Variants in TRPM6 observed in about 807,000 individuals in gnomAD.
The protein encoded by TRPM6 is channel kinase 2.
A neutral mutation model predicts 247.6 loss-of-function variants in TRPM6; 111 were observed. The observed-to-expected ratio is 0.45, with a 90% CI of 0.38 to 0.52. The LOEUF is 0.52. TRPM6 is among the 20% of genes least tolerant of loss of function. TRPM6 has a pLI of 0.00. For missense variants in TRPM6, 2,126 were observed against 2,421.5 expected (o/e 0.88, Z 2.56); for synonymous variants, 892 against 853.8 (o/e 1.04, Z -0.78).
rs1158006124 is a variant in TRPM6, at chr9:74,842,338, T to C, written c.158A>G (p.Tyr53Cys). Residue 53 changes from tyrosine to cysteine, a missense_variant, in exon 4 of 39, where the codon TAC (tyrosine) becomes TGC (cysteine). Tyr to Cys is a radical substitution (Grantham distance 194). Coordinates refer to ENST00000360774, the MANE Select transcript of TRPM6 (RefSeq NM_017662.5). ...ATGGTCTCCAATCAGTCGGCCACAG[T>C]AACACCTTAAATTCAAGACCAAAAA... ...CQVCQNLIRC[Y>C]CGRLIGDHAG... is the part of the protein sequence containing the mutation. The C allele has an allele frequency of 6.2e-7, 1 of 1,613,978 alleles. No homozygotes were observed. The highest frequency in any genetic ancestry group is 2.2e-5 in the East Asian group (1 of 44,898).
chr9:74,825,854 C>A (rs770425767), intron 7 of TRPM6, among the ~76,000 whole-genome samples: 1 of 152,074 alleles, frequency 6.6e-6, no homozygotes, highest in Admixed American at 6.6e-5. Context: ...CCTCTCTATA[C>A]GGATTCTTCT....
intron 1 of TRPM6, among the ~76,000 whole-genome samples, chr9:74,878,601 C>T (rs909566337): frequency 2.0e-5 from 3 of 152,120 alleles, no homozygotes; most frequent in East Asian, 1.9e-4. Flanking sequence ...ACCTAAACAC[C>T]GCCACATAAA....
chr9:74,769,585 C>T lies in TRPM6; in HGVS notation c.3536+2118G>A, dbSNP rs531085552. 2.8e-3 allele frequency among the ~76,000 whole-genome samples: 418 copies of T among 151,950 alleles called. 1 individual carries two copies. Among genetic ancestry groups the T allele is most frequent in the African/African-American group, 9.7e-3 (403 of 41,452 alleles). On this transcript the variant is annotated intron_variant, in intron 25 of 38. Transcript: ENST00000360774. ...CATCCTGGCTAACACGGTGAAACCCCGTCTCTACTAAAAATACAAAAAATT... is the reference window on the plus strand; with the variant it reads ...CATCCTGGCTAACACGGTGAAACCCTGTCTCTACTAAAAATACAAAAAATT...
chr9:74,885,997 T>G (rs541339268), intron 1 of TRPM6, among the ~76,000 whole-genome samples: 1 of 152,238 alleles, frequency 6.6e-6, no homozygotes, highest in Admixed American at 6.5e-5. Flanking sequence ...AAATGCTTGA[T>G]AGTTTTGGCA....
At chr9:74,879,725 C>A (rs1831301041) in intron 1 of TRPM6, among the ~76,000 whole-genome samples, 1 of 152,194 alleles carries the variant, frequency 6.6e-6, no homozygotes, top group East Asian at 1.9e-4. Context: ...GGTGATATGC[C>A]CAGGGAGGCA....
intron 1 of TRPM6, 117 bp downstream of exon 1, chr9:74,887,707 G>T: frequency 1.2e-6 from 2 of 1,611,540 alleles, no homozygotes; most frequent in Non-Finnish European, 8.5e-7. Context: ...AGCTATTCTA[G>T]ATCCTCGTTA....
chr9:74,847,957 C>T (rs1301206852), intron 3 of TRPM6, among the ~76,000 whole-genome samples: 4 of 152,182 alleles, frequency 2.6e-5, no homozygotes. Context: ...AACCTAATTG[C>T]TGTCAATCAG....
intron 5 of TRPM6, among the ~76,000 whole-genome samples, chr9:74,838,540 AG>A (rs1347586305): frequency 6.6e-6 from 1 of 152,256 alleles, no homozygotes; most frequent in Non-Finnish European, 1.5e-5. Flanking sequence ...GCAGATGCTC[AG>A]GCCCTTGCCT....
intron 5 of TRPM6, among the ~76,000 whole-genome samples, chr9:74,836,018 T>A (rs1283461761): frequency 6.6e-6 from 1 of 152,172 alleles, no homozygotes; most frequent in East Asian, 1.9e-4. Context: ...ACATTAGGGT[T>A]CACTCTTGCT....
chr9:74,744,909 C>T (rs184836730), intron 31 of TRPM6, among the ~76,000 whole-genome samples: 119 of 152,272 alleles, frequency 7.8e-4, no homozygotes, highest in Non-Finnish European at 1.1e-3. Context: ...AGGAAAGGAA[C>T]GAGAATCACT....
At chr9:74,868,811 T>C (rs960088604) in intron 1 of TRPM6, among the ~76,000 whole-genome samples, 5 of 152,140 alleles carry the variant, frequency 3.3e-5, no homozygotes, top group African/African-American at 1.2e-4. Flanking sequence ...TTTAAGGTGA[T>C]GACAAAAGCC....
intron 11 of TRPM6, among the ~76,000 whole-genome samples, chr9:74,815,584 G>T (rs776067306): frequency 4.6e-5 from 7 of 152,142 alleles, no homozygotes; most frequent in Non-Finnish European, 8.8e-5. Flanking sequence ...TGCATCCCGG[G>T]ATGACAGCTG....
intron 1 of TRPM6, among the ~76,000 whole-genome samples, chr9:74,882,993 ACT>A (rs1474577736): frequency 6.6e-6 from 1 of 152,110 alleles, no homozygotes; most frequent in Non-Finnish European, 1.5e-5. Flanking sequence ...AAAAACTGAA[ACT>A]CTATACCCAT....
At position 74,744,203 on chromosome 9, in the gene TRPM6, TA is replaced by T. The variant is rs750558151; in HGVS notation, c.5084-59del. Reference sequence around the variant, plus strand: ...ACATGGCTGGAGATAAATACATGTTTATGAATATATTGCCTTCAAAGTTATT... The same window carrying T: ...ACATGGCTGGAGATAAATACATGTTTTGAATATATTGCCTTCAAAGTTATT... On this transcript the variant is annotated intron_variant, in intron 31 of 38. Coordinates refer to ENST00000360774, the MANE Select transcript of TRPM6 (RefSeq NM_017662.5). The T allele has an allele frequency of 2.6e-6, 4 of 1,525,642 alleles. No homozygotes were observed. The South Asian group carries it at 4.5e-5, about 17-fold the overall frequency. The allele number at this position is 1,525,642 out of a possible 1,614,324, so 94.5% of individuals were successfully genotyped here.
intron 30 of TRPM6, 84 bp from the exon 31 acceptor site, chr9:74,747,998 A>G (rs1050808435): frequency 8.4e-7 from 1 of 1,189,086 alleles, no homozygotes; most frequent in African/African-American, 1.5e-5. Flanking sequence ...CACATGGAAC[A>G]GTAACAACAC....
Position 74,724,613 on chromosome 9 carries a change from T to A in TRPM6, c.6069A>T (p.Ter2023TyrextTer21). The A allele has an allele frequency of 6.2e-7, 1 of 1,614,206 alleles. No homozygotes were observed. Among genetic ancestry groups the A allele is most frequent in the South Asian group, 1.1e-5 (1 of 91,084 alleles). ...CTGGGATCTTCTTGCTCCTCCCTTT[T>A]TATAGTTGCATATCATCTTCTGGGG... ...RNSPEDDMQL[*>Y] The change falls in exon 39 of 39, where the codon TAA becomes TAT. Residue 2023 changes from the stop codon to tyrosine, a stop_lost. Transcript: ENST00000360774.
intron 6 of TRPM6, among the ~76,000 whole-genome samples, chr9:74,829,997 G>A (rs1219249435): frequency 2.0e-5 from 3 of 152,052 alleles, no homozygotes; most frequent in East Asian, 1.9e-4. Context: ...TGGGTGTGGC[G>A]GTGCATGCAT....
At chr9:74,837,890 C>T (rs1465544307) in intron 5 of TRPM6, among the ~76,000 whole-genome samples, 1 of 151,950 alleles carries the variant, frequency 6.6e-6, no homozygotes, top group African/African-American at 2.4e-5. Flanking sequence ...GCTGGGTCTA[C>T]AGGTGCACAC....
At chr9:74,830,414 A>C (rs556132258) in intron 6 of TRPM6, among the ~76,000 whole-genome samples, 1 of 151,770 alleles carries the variant, frequency 6.6e-6, no homozygotes, top group East Asian at 1.9e-4. Flanking sequence ...TTTTTCTTTT[A>C]GACAAGGTCT....
Sources: allele counts gnomAD v4.1 joint callset (sites outside exome capture counted in the v4.1 genomes callset), GRCh38; gene constraint gnomAD v4.1.1; transcripts MANE v1.5; gene names NCBI Gene and HGNC (gene_info 2026-07-23, HGNC 2026-07-21).